NAV3: variants seen among roughly 807,000 people sequenced by gnomAD.
The protein encoded by NAV3 is pore membrane and/or filament interacting like protein 1.
A neutral mutation model predicts 244.7 loss-of-function variants in NAV3; 87 were observed. That is an observed-to-expected ratio of 0.36 (90% CI 0.30 to 0.42). The LOEUF (loss-of-function observed/expected upper bound fraction) is 0.42. Ranked by LOEUF, NAV3 falls within the 20% of genes least tolerant of loss-of-function variation. The pLI is 1.00. For missense variants in NAV3, 2,663 were observed against 2,893.3 expected, an observed-to-expected ratio of 0.92 and a Z score of 1.83; for synonymous variants, 1,126 against 1,042.2, an observed-to-expected ratio of 1.08 and a Z score of -1.55.
rs2137228580 is a variant in NAV3 at position 78,050,079 on chromosome 12, C to T, written c.2110C>T (p.Arg704Cys). 3 of 1,611,024 alleles carry T rather than the reference C, an allele frequency of 1.9e-6. No homozygotes were observed. The highest frequency in any genetic ancestry group is 2.5e-6 in the Non-Finnish European group (3 of 1,178,988). ...QNLEETMSSL[R>C]GTQISHSTLE... Reference sequence around the variant, plus strand: ...TTTAGAAGAGACTATGTCCAGTCTTCGTGGGACTCAGATAAGCCACAGGTT... The same window carrying T: ...TTTAGAAGAGACTATGTCCAGTCTTTGTGGGACTCAGATAAGCCACAGGTT... The change falls in exon 10 of 40, where the codon CGT (arginine) becomes TGT (cysteine). Residue 704 changes from arginine (R) to cysteine (C), a missense_variant. By Grantham distance (180) the Arg-to-Cys change is radical. Transcript: ENST00000397909.
At chr12:77,700,029 G>T (rs1409136488) in intron 2 of NAV3, among the ~76,000 whole-genome samples, 1 of 152,128 alleles carries the variant, frequency 6.6e-6, no homozygotes, top group Non-Finnish European at 1.5e-5. Context: ...GATGTAAACT[G>T]CCACATTACT....
intron 12 of NAV3, among the ~76,000 whole-genome samples, chr12:78,070,378 T>C (rs1952695151): frequency 6.6e-6 from 1 of 151,496 alleles, no homozygotes; most frequent in Admixed American, 6.6e-5. Context: ...AAATGCCAGA[T>C]GCTGGGATTT....
chr12:78,143,357 G>A (rs1294845553), intron 20 of NAV3: 5 of 433,652 alleles, frequency 1.2e-5, no homozygotes, highest in South Asian at 3.1e-5. Flanking sequence ...AAGGCCAAGC[G>A]CGGTGGCTCA....
chr12:78,025,826 A>G (rs1236304778), intron 9 of NAV3, among the ~76,000 whole-genome samples: 2 of 152,076 alleles, frequency 1.3e-5, no homozygotes, highest in African/African-American at 4.8e-5. Context: ...TCTCTGCACA[A>G]CAGCTCCCCT....
intron 2 of NAV3, among the ~76,000 whole-genome samples, chr12:77,685,506 C>CACACATACAT (rs34407806): frequency 1.3e-5 from 2 of 150,606 alleles, no homozygotes; most frequent in East Asian, 1.9e-4. Flanking sequence ...CACACACACA[C>CACACATACAT]ATACCCACAC....
chr12:77,592,156 G>T (rs1280470285), intron 2 of NAV3, among the ~76,000 whole-genome samples: 1 of 152,162 alleles, frequency 6.6e-6, no homozygotes, highest in Non-Finnish European at 1.5e-5. Flanking sequence ...AAGGCCAGCT[G>T]CTGCCTGTCA....
At chr12:77,899,930 A>G (rs1565902291) in intron 1 of NAV3, among the ~76,000 whole-genome samples, 2 of 152,060 alleles carry the variant, frequency 1.3e-5, no homozygotes, top group Non-Finnish European at 1.5e-5. Context: ...CGCTTGTTAC[A>G]TGGGTATATT....
In NAV3 at chr12:78,205,147, C is replaced by T. The variant is rs776038144; in HGVS notation, c.7038+9C>T. The stretch of plus-strand genomic sequence containing the variant: ...CAGAAGGAGATCCCCTGGTAAGAAT[C>T]AGATGTTCATTTCTTCCTATGTAAT... On this transcript the variant is annotated intron_variant, in intron 39 of 39. Coordinates refer to ENST00000397909, the MANE Select transcript of NAV3 (RefSeq NM_001024383.2). 1.2e-6 allele frequency: 2 copies of T among 1,610,942 alleles called. No individual in the cohort carries two copies. Among genetic ancestry groups the T allele is most frequent in the Non-Finnish European group, 8.5e-7 (1 of 1,178,282 alleles).
At chr12:78,136,139 A>G (rs1460724842) in intron 18 of NAV3, among the ~76,000 whole-genome samples, 1 of 152,140 alleles carries the variant, frequency 6.6e-6, no homozygotes, top group African/African-American at 2.4e-5. Flanking sequence ...TCACAGAAAA[A>G]ATCTTAGTAA....
At chr12:78,111,385 T>A (rs2138406690) in intron 12 of NAV3, among the ~76,000 whole-genome samples, 1 of 151,874 alleles carries the variant, frequency 6.6e-6, no homozygotes, top group South Asian at 2.1e-4. Flanking sequence ...TTCACTAAAA[T>A]CCAAAAAATT....
chr12:78,021,618 A>T (rs1877164647), intron 8 of NAV3, 129 bp from the exon 9 acceptor site: 1 of 600,278 alleles, frequency 1.7e-6, no homozygotes, highest in Non-Finnish European at 2.9e-6. Flanking sequence ...GCTCTGGAAC[A>T]TTCCAGTCAT....
intron 1 of NAV3, among the ~76,000 whole-genome samples, chr12:77,906,960 G>C (rs1377577194): frequency 6.6e-6 from 1 of 151,856 alleles, no homozygotes; most frequent in Non-Finnish European, 1.5e-5. Flanking sequence ...TCACTTATTT[G>C]CCACCATCCT....
chr12:77,629,968 G>A (rs952947435), intron 2 of NAV3, among the ~76,000 whole-genome samples: 5 of 152,138 alleles, frequency 3.3e-5, no homozygotes, highest in African/African-American at 1.2e-4. Context: ...CATAACCAGG[G>A]TCTTTTCAGA....
At chr12:77,837,824 G>A (rs992838281) in intron 1 of NAV3, among the ~76,000 whole-genome samples, 6 of 152,200 alleles carry the variant, frequency 3.9e-5, no homozygotes, top group Non-Finnish European at 8.8e-5. Context: ...ATCAGGAGAA[G>A]ACAATTAAGT....
At chr12:77,690,888 C>T (rs1757899287) in intron 2 of NAV3, among the ~76,000 whole-genome samples, 1 of 142,104 alleles carries the variant, frequency 7.0e-6, no homozygotes, top group Non-Finnish European at 1.5e-5. Flanking sequence ...TTCTAAGTTT[C>T]TGATTCTTTA....
At chr12:78,089,778 T>C (rs747577698) in intron 12 of NAV3, among the ~76,000 whole-genome samples, 2 of 152,156 alleles carry the variant, frequency 1.3e-5, no homozygotes, top group African/African-American at 4.8e-5. Context: ...CCTTTGACAC[T>C]GCGTCTAACT....
chr12:77,644,600 A>AT (rs960439472), intron 2 of NAV3, among the ~76,000 whole-genome samples: 1 of 151,994 alleles, frequency 6.6e-6, no homozygotes, highest in African/African-American at 2.4e-5. Context: ...CTTAAAAAAT[A>AT]TTTTTTTATC....
chr12:77,864,311 A>G lies in NAV3; in HGVS notation c.243+32607A>G, dbSNP rs1037981629. On this transcript the variant is annotated intron_variant, in intron 1 of 39. Coordinates refer to ENST00000397909, the MANE Select transcript of NAV3 (RefSeq NM_001024383.2). ...TGATTCACAAATGCATTTAACTATG[A>G]TAGTAAAATTTGTTAAAACATACCT... 3.9e-5 allele frequency among the ~76,000 whole-genome samples: 6 copies of G among 151,916 alleles called. No homozygotes were observed. The East Asian group carries it at 1.2e-3, about 29-fold the overall frequency.
chr12:77,699,658 C>T (rs551682662), intron 2 of NAV3, among the ~76,000 whole-genome samples: 3 of 152,154 alleles, frequency 2.0e-5, no homozygotes, highest in South Asian at 2.1e-4. Flanking sequence ...TCAACCAGAG[C>T]ACTTACATGT....
Sources: allele counts gnomAD v4.1 joint callset (sites outside exome capture counted in the v4.1 genomes callset), GRCh38; gene constraint gnomAD v4.1.1; transcripts MANE v1.5; gene names NCBI Gene and HGNC (gene_info 2026-07-23, HGNC 2026-07-21).